GRM7: variants seen among roughly 807,000 people sequenced by gnomAD.
GRM7 encodes the protein metabotropic glutamate receptor 7.
A neutral mutation model predicts 84.5 loss-of-function variants in GRM7; 35 were observed. That is an observed-to-expected ratio of 0.41 (90% CI 0.32 to 0.55). GRM7 has a LOEUF of 0.55. Ranked by LOEUF, GRM7 falls within the 20% of genes least tolerant of loss-of-function variation. The pLI is 0.19. For synonymous variants in GRM7, 487 were observed against 455.1 expected (o/e 1.07, Z -0.89); for missense variants, 1,003 against 1,194.6 (o/e 0.84, Z 2.36).
At chr3:7,212,815 A>G (rs1427313244) in intron 2 of GRM7, among the ~76,000 whole-genome samples, 1 of 152,200 alleles carries the variant, frequency 6.6e-6, no homozygotes, top group Non-Finnish European at 1.5e-5. Context: ...AATTCAACAA[A>G]TATTTATCAC....
chr3:6,874,217 G>C (rs1010755134), intron 1 of GRM7, among the ~76,000 whole-genome samples: 1 of 152,142 alleles, frequency 6.6e-6, no homozygotes, highest in East Asian at 1.9e-4. Context: ...GCTCAATAAA[G>C]GTTAGTTGCC....
chr3:7,291,162 A>AT (rs1454350749), intron 2 of GRM7, among the ~76,000 whole-genome samples: 4 of 151,032 alleles, frequency 2.6e-5, no homozygotes, highest in African/African-American at 9.8e-5. Context: ...ATATTCAGGA[A>AT]TTTTCTCGTC....
intron 1 of GRM7, among the ~76,000 whole-genome samples, chr3:7,011,530 T>C (rs1000430380): frequency 1.1e-4 from 17 of 152,232 alleles, no homozygotes; most frequent in African/African-American, 2.9e-4. Context: ...GCATGCACTT[T>C]TTATACTCAG....
chr3:7,158,286 C>A (rs1020326458), intron 2 of GRM7, among the ~76,000 whole-genome samples: 1 of 151,966 alleles, frequency 6.6e-6, no homozygotes, highest in Non-Finnish European at 1.5e-5. Flanking sequence ...AAATCTCTTC[C>A]CCACTCTCTC....
intron 1 of GRM7, among the ~76,000 whole-genome samples, chr3:7,036,797 A>C (rs62236599): frequency 0.99 from 151,254 of 152,268 alleles, 75,129 homozygotes; most frequent in African/African-American, 1. Context: ...TGCTTTATAT[A>C]ACTTGCTATA....
chr3:7,527,890 G>T (rs1700870219), intron 7 of GRM7, among the ~76,000 whole-genome samples: 1 of 152,102 alleles, frequency 6.6e-6, no homozygotes, highest in African/African-American at 2.4e-5. Flanking sequence ...TTATTGTGTT[G>T]AATTAACTTT....
chr3:7,542,764 T>A (rs1049946628), intron 7 of GRM7, among the ~76,000 whole-genome samples: 2 of 152,154 alleles, frequency 1.3e-5, no homozygotes, highest in East Asian at 3.9e-4. Context: ...GCCAGGATGG[T>A]CTTGATCTTC....
chr3:6,877,464 T>C (rs866459454), intron 1 of GRM7, among the ~76,000 whole-genome samples: 2 of 152,210 alleles, frequency 1.3e-5, no homozygotes, highest in Non-Finnish European at 2.9e-5. Flanking sequence ...TCATGTGTCA[T>C]CAACCTGCAG....
chr3:7,225,525 T>C lies in GRM7; in HGVS notation c.737-73159T>C, dbSNP rs1696955353. 2.7e-5 allele frequency among the ~76,000 whole-genome samples: 4 copies of C among 147,700 alleles called. No individual in the cohort carries two copies. In the South Asian group the frequency reaches 8.4e-4, roughly 31 times the overall value. ...GGCATTTTAAGAAACCATATAGCTA[T>C]AATAAGAAATTATATATGATATATA... is the stretch of plus-strand genomic sequence containing the variant. On this transcript the variant is annotated intron_variant, in intron 2 of 9. Coordinates refer to ENST00000357716, the MANE Select transcript of GRM7 (RefSeq NM_000844.4).
At chr3:7,652,528 T>C (rs1044366919) in intron 8 of GRM7, among the ~76,000 whole-genome samples, 3 of 152,180 alleles carry the variant, frequency 2.0e-5, no homozygotes, top group Non-Finnish European at 2.9e-5. Context: ...GTCAGTTTCC[T>C]CATTTGTCCA....
At chr3:7,397,520 G>C (rs1341909905) in intron 4 of GRM7, among the ~76,000 whole-genome samples, 1 of 152,000 alleles carries the variant, frequency 6.6e-6, no homozygotes, top group Admixed American at 6.6e-5. Flanking sequence ...TTAATAATTT[G>C]TTGTATATTT....
At chr3:7,030,881 A>G (rs1216455079) in intron 1 of GRM7, among the ~76,000 whole-genome samples, 6 of 152,228 alleles carry the variant, frequency 3.9e-5, no homozygotes, top group Non-Finnish European at 8.8e-5. Context: ...ATGATTCAGA[A>G]TTAAGTTTAC....
intron 1 of GRM7, among the ~76,000 whole-genome samples, chr3:6,986,685 C>T (rs1230844457): frequency 6.6e-6 from 1 of 152,184 alleles, no homozygotes; most frequent in Non-Finnish European, 1.5e-5. Flanking sequence ...CTAACTTCGG[C>T]CTGATCATTA....
At chr3:7,450,447 A>C (rs1697718893) in intron 5 of GRM7, among the ~76,000 whole-genome samples, 1 of 152,144 alleles carries the variant, frequency 6.6e-6, no homozygotes, top group Admixed American at 6.6e-5. Context: ...TCCCCAAAAT[A>C]CTCAGGCAGA....
At chr3:7,158,640 G>A (rs1256038355) in intron 2 of GRM7, among the ~76,000 whole-genome samples, 7 of 152,136 alleles carry the variant, frequency 4.6e-5, no homozygotes, top group East Asian at 3.9e-4. Flanking sequence ...AAACATTATC[G>A]GGCATCTCTC....
chr3:7,352,624 A>G lies in GRM7; in HGVS notation c.1033+45972A>G, dbSNP rs139586615. On this transcript the variant is annotated intron_variant, in intron 4 of 9. Transcript: ENST00000357716. The stretch of plus-strand genomic sequence containing the variant: ...GCGTTTCTACTGTTAAAGAGAGGAC[A>G]TTGATTGGGAAAGAATGGACTCTTG... Among the ~76,000 whole-genome samples, 10 of 152,252 alleles carry G rather than the reference A, an allele frequency of 6.6e-5. No individual in the cohort carries two copies. In the East Asian group the frequency reaches 1.9e-3, roughly 30 times the overall value.
At chr3:6,956,161 G>A (rs1331656517) in intron 1 of GRM7, among the ~76,000 whole-genome samples, 6 of 152,160 alleles carry the variant, frequency 3.9e-5, no homozygotes, top group Admixed American at 2.0e-4. Flanking sequence ...CAATTCAGGC[G>A]GGAAAATAAC....
At chr3:7,201,482 T>C (rs1696067386) in intron 2 of GRM7, among the ~76,000 whole-genome samples, 1 of 152,202 alleles carries the variant, frequency 6.6e-6, no homozygotes, top group African/African-American at 2.4e-5. Context: ...CAGTTCTTTT[T>C]GAGTTTGTGT....
chr3:6,993,472 G>T (rs1239671063), intron 1 of GRM7, among the ~76,000 whole-genome samples: 5 of 152,206 alleles, frequency 3.3e-5, no homozygotes, highest in Admixed American at 2.6e-4. Context: ...ATTCAGATTA[G>T]CTCAAATACA....
Sources: allele counts gnomAD v4.1 joint callset (sites outside exome capture counted in the v4.1 genomes callset), GRCh38; gene constraint gnomAD v4.1.1; transcripts MANE v1.5; gene names NCBI Gene and HGNC (gene_info 2026-07-23, HGNC 2026-07-21).